PCDH15: variants seen among roughly 807,000 people sequenced by gnomAD.
PCDH15 encodes protocadherin-15.
In PCDH15, 129 loss-of-function variants were observed where a neutral mutation model predicts 178.5. The ratio of observed to expected loss-of-function variants is 0.72; its 90% CI spans 0.63 to 0.84. The LOEUF (loss-of-function observed/expected upper bound fraction) is 0.84. Among genes scored for constraint, PCDH15 ranks in the 40% least tolerant of loss-of-function variants. PCDH15 has a pLI of 0.00. For missense variants in PCDH15, 2,230 were observed against 2,099.9 expected (o/e 1.06, Z -1.21); for synonymous variants, 800 against 732.0 (o/e 1.09, Z -1.50).
intron 1 of PCDH15, among the ~76,000 whole-genome samples, chr10:54,730,730 C>T: frequency 6.6e-6 from 1 of 151,162 alleles, no homozygotes. Context: ...AAATGGACTC[C>T]TATTTCTCAC....
At chr10:55,236,767 A>T (rs1174381857) in intron 1 of PCDH15, among the ~76,000 whole-genome samples, 1 of 151,996 alleles carries the variant, frequency 6.6e-6, no homozygotes, top group East Asian at 1.9e-4. Flanking sequence ...AGTGTACATC[A>T]ACATTAAGAA....
intron 25 of PCDH15, among the ~76,000 whole-genome samples, chr10:53,934,268 C>T (rs974264716): frequency 2.6e-5 from 4 of 152,168 alleles, no homozygotes; most frequent in Admixed American, 2.6e-4. Flanking sequence ...TGCAGTCACA[C>T]TAGTCACCAG....
intron 1 of PCDH15, among the ~76,000 whole-genome samples, chr10:55,289,909 T>C (rs1237733490): frequency 6.6e-6 from 1 of 151,882 alleles, no homozygotes; most frequent in Non-Finnish European, 1.5e-5. Context: ...TGAGAGTGGG[T>C]TGTAGTAAAA....
At chr10:53,907,453 C>T (rs1404615712) in intron 25 of PCDH15, among the ~76,000 whole-genome samples, 1 of 152,048 alleles carries the variant, frequency 6.6e-6, no homozygotes, top group Non-Finnish European at 1.5e-5. Flanking sequence ...CTAAACAATG[C>T]AAGTATTGGA....
chr10:55,485,981 C>CA (rs1840287465), intron 2 of PCDH15, among the ~76,000 whole-genome samples: 1 of 151,610 alleles, frequency 6.6e-6, no homozygotes, highest in Admixed American at 6.6e-5. Flanking sequence ...GTTTCCCTGT[C>CA]AAAAAACACT....
chr10:53,941,128 C>A (rs1014001640), intron 23 of PCDH15, among the ~76,000 whole-genome samples, 153 bp from the exon 24 acceptor site: 20 of 152,184 alleles, frequency 1.3e-4, no homozygotes, highest in Admixed American at 1.3e-3. Context: ...AATCCCCCAC[C>A]CAACTGCTAC....
At chr10:55,418,803 A>C (rs1168713608) in intron 2 of PCDH15, among the ~76,000 whole-genome samples, 1 of 151,820 alleles carries the variant, frequency 6.6e-6, no homozygotes, top group African/African-American at 2.4e-5. Context: ...AAGTTCTCTT[A>C]TTGTTGATAA....
chr10:55,499,966 A>G (rs998079144), intron 2 of PCDH15, among the ~76,000 whole-genome samples: 1 of 151,648 alleles, frequency 6.6e-6, no homozygotes, highest in African/African-American at 2.4e-5. Context: ...ACCTTTTGTA[A>G]ATTATGAGAT....
chr10:54,594,412 C>T (rs1048750295), intron 2 of PCDH15, among the ~76,000 whole-genome samples: 1 of 152,038 alleles, frequency 6.6e-6, no homozygotes, highest in African/African-American at 2.4e-5. Flanking sequence ...CCCTGAGCAC[C>T]CTTTGGTGTG....
At chr10:55,335,623 T>C (rs1316646292) in intron 2 of PCDH15, among the ~76,000 whole-genome samples, 1 of 152,090 alleles carries the variant, frequency 6.6e-6, no homozygotes, top group Non-Finnish European at 1.5e-5. Flanking sequence ...AAAGCATTAA[T>C]GACAGGTTGG....
intron 2 of PCDH15, among the ~76,000 whole-genome samples, chr10:55,345,256 C>T (rs1844720909): frequency 8.6e-6 from 1 of 116,950 alleles, no homozygotes; most frequent in Admixed American, 8.8e-5. Flanking sequence ...ATTCTATTTG[C>T]TAGCCATGAC....
At chr10:55,095,540 C>T (rs1271995741) in intron 2 of PCDH15, among the ~76,000 whole-genome samples, 1 of 151,918 alleles carries the variant, frequency 6.6e-6, no homozygotes, top group Admixed American at 6.6e-5. Flanking sequence ...TTCTTTCTAC[C>T]TCAAAATAAA....
At chr10:54,288,389 A>T (rs2059173858) in intron 8 of PCDH15, among the ~76,000 whole-genome samples, 1 of 152,136 alleles carries the variant, frequency 6.6e-6, no homozygotes. Context: ...AAATTTAGAG[A>T]CTAGATTGTC....
At chr10:54,572,224 C>G (rs966173196) in intron 2 of PCDH15, among the ~76,000 whole-genome samples, 3 of 152,140 alleles carry the variant, frequency 2.0e-5, no homozygotes, top group Admixed American at 1.3e-4. Context: ...CTGACAATTA[C>G]TTATTGAGTA....
intron 2 of PCDH15, among the ~76,000 whole-genome samples, chr10:55,070,634 C>T (rs990913843): frequency 4.6e-5 from 7 of 152,112 alleles, no homozygotes; most frequent in Admixed American, 3.9e-4. Flanking sequence ...TTCCATTGAT[C>T]TATATCTGTT....
intron 2 of PCDH15, among the ~76,000 whole-genome samples, chr10:54,592,749 T>C (rs1303010685): frequency 6.6e-6 from 1 of 152,222 alleles, no homozygotes; most frequent in East Asian, 1.9e-4. Context: ...CCATTTTTAA[T>C]TGTTAAAGGA....
chr10:54,039,399 T>G (rs990349406), intron 18 of PCDH15, among the ~76,000 whole-genome samples: 3 of 151,952 alleles, frequency 2.0e-5, no homozygotes, highest in Non-Finnish European at 2.9e-5. Flanking sequence ...AATACACACT[T>G]GAAGGTTATC....
intron 21 of PCDH15, among the ~76,000 whole-genome samples, chr10:53,992,867 T>C (rs1210378497): frequency 6.6e-6 from 1 of 152,194 alleles, no homozygotes; most frequent in African/African-American, 2.4e-5. Context: ...AATATGTTTT[T>C]CCTCCCTCTG....
At chr10:53,831,780 A>G (rs2077032551) in intron 29 of PCDH15, among the ~76,000 whole-genome samples, 1 of 152,196 alleles carries the variant, frequency 6.6e-6, no homozygotes, top group Non-Finnish European at 1.5e-5. Context: ...TTATAGACTT[A>G]AAAAATCTAA....
Sources: gnomAD v4.1 joint callset for allele counts (sites outside exome capture counted in the v4.1 genomes callset) on GRCh38, gnomAD v4.1.1 for gene constraint, MANE v1.5 for transcripts, NCBI Gene and HGNC (gene_info 2026-07-23, HGNC 2026-07-21) for gene names.